Variants in EAPP observed in about 807,000 individuals in gnomAD.
EAPP encodes the protein E2F-associated phosphoprotein.
Under a neutral mutation model 34.3 loss-of-function variants are expected in EAPP, and 38 were observed. The ratio of observed to expected loss-of-function variants is 1.11; its 90% CI spans 0.85 to 1.45. The LOEUF is 1.45. EAPP is among the 40% of genes most tolerant of loss of function. The pLI is 0.00. For synonymous variants in EAPP, 113 were observed against 117.6 expected, an observed-to-expected ratio of 0.96 and a Z score of 0.25; for missense variants, 338 against 343.7, an observed-to-expected ratio of 0.98 and a Z score of 0.13.
At position 34,533,518 on chromosome 14, in the gene EAPP, T is replaced by C; in HGVS notation, c.278A>G (p.Lys93Arg). 1 of 1,592,120 alleles carries C rather than the reference T, an allele frequency of 6.3e-7. No individual in the cohort carries two copies. The highest frequency in any genetic ancestry group is 1.1e-5 in the South Asian group (1 of 87,132). The part of the protein sequence containing the change: ...LGTGSSSGNG[K>R]VATAPTRYYD... ...GTACCTTGTCGGAGCTGTTGCAACT[T>C]TTCCATTTCCTGAGGAAGATCCTAT... The change falls in exon 3 of 6, where the codon AAA becomes AGA. Residue 93 changes from lysine (K) to arginine (R), a missense_variant. Coordinates refer to ENST00000250454, the MANE Select transcript of EAPP (RefSeq NM_018453.4).
In EAPP at chr14:34,536,199, C is replaced by T. The variant is rs200558084; in HGVS notation, c.151G>A (p.Gly51Arg). 3.4e-5 allele frequency: 55 copies of T among 1,612,650 alleles called. No individual in the cohort carries two copies. Among genetic ancestry groups the T allele is most frequent in the Non-Finnish European group, 4.4e-5 (52 of 1,179,550 alleles). The stretch of plus-strand genomic sequence containing the variant: ...TCTTCACTAGATGATTCACTTTCTC[C>T]GGTAAGACATTCTCTGATGAGTTTT... ...KRKLIRECLT[G>R]ESESSSEDEF... Residue 51 changes from glycine (G) to arginine (R), a missense_variant, in exon 2 of 6, where the codon GGA becomes AGA. By Grantham distance (125) the Gly-to-Arg change is moderately radical. Coordinates refer to ENST00000250454, the MANE Select transcript of EAPP (RefSeq NM_018453.4).
rs201928367 is a variant in EAPP at position 34,516,734 on chromosome 14, TA to T, written c.582-149del. 167 of 787,388 alleles carry T rather than the reference TA, an allele frequency of 2.1e-4. No individual in the cohort carries two copies. The African/African-American group carries it at 2.7e-3, about 13-fold the overall frequency. The allele number at this position is 787,388 out of a possible 1,614,324, so 48.8% of individuals were successfully genotyped here. A position where few individuals can be genotyped will look rare whatever the true frequency, so the allele number is the denominator to read the frequency against. ...CAAAACAGCAAGTTTAAAGAAATTTTAAACAGTTGTTTTAAGAATAATTAAA... is the reference window on the plus strand; with the variant it reads ...CAAAACAGCAAGTTTAAAGAAATTTTAACAGTTGTTTTAAGAATAATTAAA... On this transcript the variant is annotated intron_variant, in intron 5 of 5. Coordinates refer to ENST00000250454, the MANE Select transcript of EAPP (RefSeq NM_018453.4).
At position 34,516,282 on chromosome 14, in the gene EAPP, T is replaced by C. The variant is rs778444316; in HGVS notation, c.*28A>G. 17 of 1,588,046 alleles carry C rather than the reference T, an allele frequency of 1.1e-5. No homozygotes were observed. The highest frequency in any genetic ancestry group is 1.3e-5 in the Non-Finnish European group (15 of 1,166,958). On this transcript the variant is annotated 3_prime_UTR_variant, in exon 6 of 6. Coordinates refer to ENST00000250454, the MANE Select transcript of EAPP (RefSeq NM_018453.4). ...GTCCATATTTGCCTTATATACAGTA[T>C]TGGGTAATTAAATGCCAGTTGGGCT... is the stretch of plus-strand genomic sequence containing the variant.
At chr14:34,516,687 AACCAAAG>A in intron 5 of EAPP, 101 bp from the exon 6 acceptor site, 2 of 1,178,054 alleles carry the variant, frequency 1.7e-6, no homozygotes, top group East Asian at 4.8e-5. Context: ...CTGAAATACC[AACCAAAG>A]ACAAGACACA....
At chr14:34,518,084 A>G (rs1879796098) in intron 5 of EAPP, among the ~76,000 whole-genome samples, 1 of 151,614 alleles carries the variant, frequency 6.6e-6, no homozygotes, top group African/African-American at 2.4e-5. Flanking sequence ...CTTTCCTTCT[A>G]TTAATGTTGG....
At chr14:34,522,639 C>T (rs1042090037) in intron 5 of EAPP, among the ~76,000 whole-genome samples, 16 of 152,106 alleles carry the variant, frequency 1.1e-4, no homozygotes, top group East Asian at 1.9e-4. Flanking sequence ...CTTCCCACTA[C>T]GTCATTGCTT....
intron 5 of EAPP, among the ~76,000 whole-genome samples, chr14:34,523,034 A>T (rs1232272450): frequency 6.6e-6 from 1 of 152,074 alleles, no homozygotes; most frequent in Non-Finnish European, 1.5e-5. Context: ...GGAGAAGGAT[A>T]AGCAGATATG....
At chr14:34,538,215 G>A (rs950766133) in intron 1 of EAPP, among the ~76,000 whole-genome samples, 12 of 151,816 alleles carry the variant, frequency 7.9e-5, no homozygotes, top group South Asian at 2.1e-4. Flanking sequence ...CCATCTCTAC[G>A]AAAAATACAA....
chr14:34,516,804 A>G (rs1014219989), intron 5 of EAPP, among the ~76,000 whole-genome samples: 1 of 152,174 alleles, frequency 6.6e-6, no homozygotes, highest in Non-Finnish European at 1.5e-5. Context: ...CTTAGCCTCA[A>G]GTGATCCTCC....
intron 1 of EAPP, among the ~76,000 whole-genome samples, chr14:34,537,485 A>G (rs1880515640): frequency 6.6e-6 from 1 of 152,210 alleles, no homozygotes; most frequent in African/African-American, 2.4e-5. Flanking sequence ...GCAGTCATAC[A>G]TCATGGACCC....
At chr14:34,536,801 C>T (rs1880493163) in intron 1 of EAPP, among the ~76,000 whole-genome samples, 2 of 152,068 alleles carry the variant, frequency 1.3e-5, no homozygotes, top group South Asian at 4.1e-4. Flanking sequence ...GCAACCTCCA[C>T]CTCCTGGGCT....
chr14:34,526,877 T>TG (rs1555320201), intron 4 of EAPP, among the ~76,000 whole-genome samples: 2 of 148,882 alleles, frequency 1.3e-5, no homozygotes, highest in Admixed American at 6.7e-5. Context: ...GTCTTTAAAT[T>TG]AAAAAAAAAA....
At chr14:34,520,995 T>G (rs936975986) in intron 5 of EAPP, among the ~76,000 whole-genome samples, 1 of 152,168 alleles carries the variant, frequency 6.6e-6, no homozygotes, top group African/African-American at 2.4e-5. Flanking sequence ...GTGGTTTTAT[T>G]TGAGTCAAAT....
chr14:34,533,743 A>G (rs992195851), intron 2 of EAPP, among the ~76,000 whole-genome samples: 1 of 152,194 alleles, frequency 6.6e-6, no homozygotes, highest in African/African-American at 2.4e-5. Context: ...AAATGTTCCA[A>G]ATCTTGAGAA....
At chr14:34,520,261 G>A (rs983803029) in intron 5 of EAPP, among the ~76,000 whole-genome samples, 29 of 151,428 alleles carry the variant, frequency 1.9e-4, no homozygotes, top group African/African-American at 6.3e-4. Flanking sequence ...TCAGGCTGGA[G>A]TGAAGTGGTG....
intron 1 of EAPP, among the ~76,000 whole-genome samples, chr14:34,537,930 A>G (rs1410181360): frequency 6.6e-6 from 1 of 152,198 alleles, no homozygotes; most frequent in Non-Finnish European, 1.5e-5. Context: ...ACACCTCTCT[A>G]ACACTAATCT....
At chr14:34,522,125 GTT>G (rs559974762) in intron 5 of EAPP, among the ~76,000 whole-genome samples, 1 of 151,838 alleles carries the variant, frequency 6.6e-6, no homozygotes, top group South Asian at 2.1e-4. Flanking sequence ...CACCAACTAA[GTT>G]TTTTTCGTTT....
chr14:34,523,531 T>TTTG (rs1228432108), intron 5 of EAPP, among the ~76,000 whole-genome samples: 3 of 148,950 alleles, frequency 2.0e-5, no homozygotes, highest in Non-Finnish European at 4.5e-5. Flanking sequence ...AGCCCGTTTT[T>TTTG]TTTTTTTTTT....
At chr14:34,526,363 G>A (rs888418386) in intron 4 of EAPP, among the ~76,000 whole-genome samples, 1 of 151,880 alleles carries the variant, frequency 6.6e-6, no homozygotes, top group Non-Finnish European at 1.5e-5. Flanking sequence ...AGGAGGTGGA[G>A]GTCACAGTGA....
Sources: gnomAD v4.1 joint callset for allele counts (sites outside exome capture counted in the v4.1 genomes callset) on GRCh38, gnomAD v4.1.1 for gene constraint, MANE v1.5 for transcripts, NCBI Gene and HGNC (gene_info 2026-07-23, HGNC 2026-07-21) for gene names.